Variants in SYT1 observed in about 807,000 individuals in gnomAD.
SYT1 encodes the protein synaptotagmin-1.
Under a neutral mutation model 44.8 loss-of-function variants are expected in SYT1, and 8 were observed. That is an observed-to-expected ratio of 0.18 (90% confidence interval 0.10 to 0.32). SYT1 has a LOEUF of 0.32. SYT1 is among the 10% of genes least tolerant of loss of function. SYT1 has a pLI of 1.00. For missense variants in SYT1, 286 were observed against 509.3 expected, an observed-to-expected ratio of 0.56 and a Z score of 4.22; for synonymous variants, 154 against 188.8, an observed-to-expected ratio of 0.82 and a Z score of 1.51.
chr12:79,091,979 G>A (rs1877808918), intron 3 of SYT1, among the ~76,000 whole-genome samples: 1 of 151,914 alleles, frequency 6.6e-6, no homozygotes, highest in Non-Finnish European at 1.5e-5. Flanking sequence ...TTTTCACAAG[G>A]AATCTCAGAT....
intron 2 of SYT1, among the ~76,000 whole-genome samples, chr12:79,024,344 T>C (rs573607770): frequency 6.6e-6 from 1 of 151,922 alleles, no homozygotes; most frequent in South Asian, 2.1e-4. Context: ...AATGTCAGAA[T>C]TGGTGGCAGA....
chr12:78,986,222 A>C (rs964741380), intron 2 of SYT1, among the ~76,000 whole-genome samples: 2 of 152,030 alleles, frequency 1.3e-5, no homozygotes, highest in Non-Finnish European at 2.9e-5. Flanking sequence ...TTATAAAAAT[A>C]ATCTCTGTGT....
chr12:79,406,865 G>A (rs1270426910), intron 9 of SYT1, among the ~76,000 whole-genome samples: 2 of 152,194 alleles, frequency 1.3e-5, no homozygotes, highest in African/African-American at 2.4e-5. Flanking sequence ...CAGCCCTCCC[G>A]GAATGTCTGC....
chr12:78,941,434 C>T (rs112722260), intron 1 of SYT1, among the ~76,000 whole-genome samples: 8,680 of 141,700 alleles, frequency 0.061, 276 homozygotes, highest in Admixed American at 0.092. Flanking sequence ...CACACACACA[C>T]ATTATGTAAT....
At chr12:79,339,780 T>C (rs1031811689) in intron 8 of SYT1, among the ~76,000 whole-genome samples, 2 of 152,226 alleles carry the variant, frequency 1.3e-5, no homozygotes, top group African/African-American at 4.8e-5. Context: ...CTAGGTTTTC[T>C]TCTAGGGATT....
chr12:78,930,032 A>G (rs1877548359), intron 1 of SYT1, among the ~76,000 whole-genome samples: 1 of 152,164 alleles, frequency 6.6e-6, no homozygotes, highest in African/African-American at 2.4e-5. Flanking sequence ...TTATGGAGAA[A>G]GAGGAGCTGT....
chr12:79,061,494 C>A (rs1875382036), intron 3 of SYT1, among the ~76,000 whole-genome samples: 1 of 152,104 alleles, frequency 6.6e-6, no homozygotes, highest in African/African-American at 2.4e-5. Context: ...AGATACAAGG[C>A]TGCTGCTCTG....
intron 3 of SYT1, among the ~76,000 whole-genome samples, chr12:79,060,834 A>C (rs1054218350): frequency 6.6e-6 from 1 of 152,078 alleles, no homozygotes; most frequent in Non-Finnish European, 1.5e-5. Context: ...CTCTCTTTTT[A>C]TATCATAAGC....
At chr12:78,900,817 A>C (rs1443403177) in intron 1 of SYT1, among the ~76,000 whole-genome samples, 1 of 152,132 alleles carries the variant, frequency 6.6e-6, no homozygotes, top group Non-Finnish European at 1.5e-5. Flanking sequence ...TTATAGTTAC[A>C]TGAATTTGGA....
At chr12:79,322,748 A>T (rs1352424067) in intron 8 of SYT1, among the ~76,000 whole-genome samples, 1 of 152,106 alleles carries the variant, frequency 6.6e-6, no homozygotes, top group Non-Finnish European at 1.5e-5. Flanking sequence ...GAGCGCAGTG[A>T]TGAGTATTTA....
At chr12:79,446,677 T>C (rs1351653344) in intron 10 of SYT1, among the ~76,000 whole-genome samples, 1 of 152,182 alleles carries the variant, frequency 6.6e-6, no homozygotes, top group East Asian at 1.9e-4. Flanking sequence ...TATACATACT[T>C]ATTTACTTTC....
intron 9 of SYT1, among the ~76,000 whole-genome samples, chr12:79,368,372 C>G (rs2136042622): frequency 6.6e-6 from 1 of 152,236 alleles, no homozygotes; most frequent in East Asian, 1.9e-4. Context: ...GTGCATGTGT[C>G]TTTACAGCAG....
intron 2 of SYT1, among the ~76,000 whole-genome samples, chr12:79,030,513 C>A (rs1387742912): frequency 6.6e-6 from 1 of 151,020 alleles, no homozygotes; most frequent in Non-Finnish European, 1.5e-5. Context: ...TTCCATTGAG[C>A]TCTAATTTGT....
chr12:79,048,193 T>A (rs1010609184), intron 3 of SYT1, among the ~76,000 whole-genome samples: 1 of 151,856 alleles, frequency 6.6e-6, no homozygotes, highest in Non-Finnish European at 1.5e-5. Flanking sequence ...AAACATAGTA[T>A]AATAAATTAA....
intron 2 of SYT1, among the ~76,000 whole-genome samples, chr12:78,993,665 A>G (rs886929415): frequency 1.4e-4 from 22 of 152,232 alleles, no homozygotes; most frequent in African/African-American, 5.1e-4. Context: ...AAAATTTTTA[A>G]AAGTATTTAC....
intron 3 of SYT1, among the ~76,000 whole-genome samples, chr12:79,157,530 T>C (rs1870674465): frequency 1.3e-5 from 2 of 152,180 alleles, no homozygotes; most frequent in South Asian, 2.1e-4. Flanking sequence ...AAAAATAATG[T>C]ACTCATTTGA....
At chr12:79,434,536 G>A (rs1262903556) in intron 9 of SYT1, among the ~76,000 whole-genome samples, 1 of 152,174 alleles carries the variant, frequency 6.6e-6, no homozygotes, top group Non-Finnish European at 1.5e-5. Flanking sequence ...TTAATTATTT[G>A]TATAGTATTA....
chr12:78,866,356 C>T (rs1266554531), intron 1 of SYT1, among the ~76,000 whole-genome samples: 2 of 152,148 alleles, frequency 1.3e-5, no homozygotes, highest in Non-Finnish European at 2.9e-5. Context: ...CAAGAATCCT[C>T]CTGTACTGGA....
chr12:79,148,429 T>C (rs1020635655), intron 3 of SYT1, among the ~76,000 whole-genome samples: 2 of 152,270 alleles, frequency 1.3e-5, no homozygotes, highest in East Asian at 3.9e-4. Flanking sequence ...GGTCTTGAAA[T>C]TGACACTTTT....
Sources: allele counts gnomAD v4.1 joint callset (sites outside exome capture counted in the v4.1 genomes callset), GRCh38; gene constraint gnomAD v4.1.1; transcripts MANE v1.5; gene names NCBI Gene and HGNC (gene_info 2026-07-23, HGNC 2026-07-21).